The following AGRN variants were observed in gnomAD, a reference collection of about 807,000 sequenced individuals.
The protein encoded by AGRN is agrin proteoglycan.
Under a neutral mutation model 211.0 loss-of-function variants are expected in AGRN, and 106 were observed. The ratio of observed to expected loss-of-function variants is 0.50; its 90% CI spans 0.43 to 0.59. The LOEUF (loss-of-function observed/expected upper bound fraction) is 0.59, where lower values mean the gene tolerates loss of function less well. Among genes scored for constraint, AGRN ranks in the 20% least tolerant of loss-of-function variants. The pLI, the probability that AGRN is intolerant of heterozygous loss-of-function variation, is 0.00. For synonymous variants in AGRN, 1,525 were observed against 1,332.5 expected (o/e 1.14, Z -3.15); for missense variants, 3,040 against 2,982.6 (o/e 1.02, Z -0.45).
At chr1:1,044,662 T>G (rs921599893) in intron 12 of AGRN, among the ~76,000 whole-genome samples, 3 of 152,188 alleles carry the variant, frequency 2.0e-5, no homozygotes, top group African/African-American at 7.2e-5. Context: ...CAGGCCTCAG[T>G]GCTGAGAGGC....
intron 2 of AGRN, chr1:1,034,087 C>A: frequency 2.0e-6 from 2 of 978,970 alleles, no homozygotes; most frequent in Non-Finnish European, 2.4e-6. Flanking sequence ...TCGCTCCCGA[C>A]GCGGCCGCCC....
intron 12 of AGRN, 95 bp from the exon 13 acceptor site, chr1:1,045,066 G>A (rs1645052423): frequency 2.9e-6 from 4 of 1,365,734 alleles, no homozygotes; most frequent in Non-Finnish European, 3.1e-6. Flanking sequence ...GGACGGCTGA[G>A]TGGTGACAGT....
Position 1,045,539 on chromosome 1 carries a change from C to T in AGRN, c.2536+16C>T. ...GGCTGTACACGTGAGTGACAGGGCC[C>T]AGGACTGGCCACCGGCTATGCCCTC... is the stretch of plus-strand genomic sequence containing the variant. On this transcript the variant is annotated intron_variant, in intron 14 of 35. Transcript: ENST00000379370. 6.2e-7 allele frequency: 1 copy of T among 1,611,842 alleles called. No homozygotes were observed. The highest frequency in any genetic ancestry group is 8.5e-7 in the Non-Finnish European group (1 of 1,179,450).
At chr1:1,020,419 C>T (rs1318220490) in intron 1 of AGRN, 46 bp downstream of exon 1, 2 of 1,472,154 alleles carry the variant, frequency 1.4e-6, no homozygotes. Flanking sequence ...GCCTGCCGCC[C>T]CGCCGGGACC....
At chr1:1,021,481 C>A (rs1466669283) in intron 1 of AGRN, among the ~76,000 whole-genome samples, 5 of 152,382 alleles carry the variant, frequency 3.3e-5, no homozygotes, top group East Asian at 1.9e-4. Context: ...TCTCTCCCCC[C>A]ATCCGGCAGC....
chr1:1,027,319 C>G (rs1644542705), intron 2 of AGRN, among the ~76,000 whole-genome samples: 1 of 152,224 alleles, frequency 6.6e-6, no homozygotes. Flanking sequence ...AGAATTCTGC[C>G]TGGAGCCTCC....
rs1645418957 is a variant in AGRN at position 1,055,087 on chromosome 1, G to C, written c.*106G>C. On this transcript the variant is annotated 3_prime_UTR_variant, in exon 36 of 36. Coordinates refer to ENST00000379370, the MANE Select transcript of AGRN (RefSeq NM_198576.4). ...TGAGTGTTGGCCGGAGGGACTGCTG[G>C]CCCGGCCTCCCTTCCGTCCAGGCAG... is the stretch of plus-strand genomic sequence containing the variant. The C allele has an allele frequency of 6.7e-7, 1 of 1,497,232 alleles. No individual in the cohort carries two copies. The highest frequency in any genetic ancestry group is 2.5e-5 in the East Asian group (1 of 40,614). The allele number at this position is 1,497,232 out of a possible 1,614,324, so 92.7% of individuals were successfully genotyped here. A position where few individuals can be genotyped will look rare whatever the true frequency, so the allele number is the denominator to read the frequency against.
intron 30 of AGRN, 79 bp from the exon 31 acceptor site, chr1:1,051,174 C>A: frequency 5.5e-6 from 3 of 541,488 alleles, no homozygotes; most frequent in South Asian, 1.5e-5. Context: ...GCGGGTGGGG[C>A]GGGTGCGTGC....
rs752429981 is a variant in AGRN, at chr1:1,043,785, T to A, written c.1799-38T>A. 3 of 1,606,934 alleles carry A rather than the reference T, an allele frequency of 1.9e-6. No individual in the cohort carries two copies. In the Admixed American group the frequency reaches 5.0e-5, roughly 27 times the overall value. ...CCAGGGTCCTGTGCCTCCCTCAGCC[T>A]GGGCCTGCCGACCCCTGCCTGGCTC... On this transcript the variant is annotated intron_variant, in intron 9 of 35. Coordinates refer to ENST00000379370, the MANE Select transcript of AGRN (RefSeq NM_198576.4).
Position 1,051,524 on chromosome 1 carries a change from A to G in AGRN, c.5442A>G (p.Ala1814=). The part of the protein sequence containing the change: ...VLRQVDVTSF[A]GHPCTRASGH... ...GGCAGGTGGACGTCACGTCCTTTGC[A>G]GGTCACCCCTGCACCCGGGCCTCAG... Residue 1814 remains alanine, a synonymous_variant, in exon 32 of 36, where the codon GCA becomes GCG. Transcript: ENST00000379370. 1 of 1,567,472 alleles carries G rather than the reference A, an allele frequency of 6.4e-7. No individual in the cohort carries two copies. Among genetic ancestry groups the G allele is most frequent in the Non-Finnish European group, 8.6e-7 (1 of 1,157,576 alleles).
chr1:1,024,071 C>T, intron 2 of AGRN, among the ~76,000 whole-genome samples: 2 of 152,038 alleles, frequency 1.3e-5, no homozygotes, highest in East Asian at 3.9e-4. Context: ...AGCCAGGGGC[C>T]AAGGGGAGCC....
In AGRN at chr1:1,046,967, C is replaced by T. The variant is rs192594415; in HGVS notation, c.3388+10C>T. The T allele has an allele frequency of 4.1e-5, 65 of 1,572,256 alleles. No homozygotes were observed. The highest frequency in any genetic ancestry group is 1.5e-4 in the Admixed American group (8 of 53,348). ...GGCTCCAACTGCCCCGGTGAGTGGA[C>T]GGCTGGGCGAGGGGAGTGTGAGGAT... On this transcript the variant is annotated intron_variant, in intron 19 of 35. Coordinates refer to ENST00000379370, the MANE Select transcript of AGRN (RefSeq NM_198576.4).
At chr1:1,047,141 A>G (rs764713304) in intron 19 of AGRN, 184 bp downstream of exon 19, 8 of 1,352,572 alleles carry the variant, frequency 5.9e-6, no homozygotes, top group African/African-American at 5.8e-5. Context: ...GGTGTGGCAC[A>G]CTGCTCTGAG....
At position 1,038,785 on chromosome 1, in the gene AGRN, G is replaced by A. The variant is rs548956729; in HGVS notation, c.512-1880G>A. ...GCTGGCTGGGCATCAGCAGGTGCCC[G>A]TTGGATTTGGACTGGGAGTCCCAGG... On this transcript the variant is annotated intron_variant, in intron 3 of 35. Transcript: ENST00000379370. Among the ~76,000 whole-genome samples, 13 of 152,340 alleles carry A rather than the reference G, an allele frequency of 8.5e-5. No individual in the cohort carries two copies. The South Asian group carries it at 2.1e-3, about 24-fold the overall frequency.
Position 1,042,802 on chromosome 1 carries a change from C to T in AGRN, c.1385-437C>T, listed in dbSNP as rs539523329. On this transcript the variant is annotated intron_variant, in intron 7 of 35. Coordinates refer to ENST00000379370, the MANE Select transcript of AGRN (RefSeq NM_198576.4). ...GCTTGCTGCTGCCTGGCCTTGTGGT[C>T]CTCAGAGCAAGTGGACAGACACCTC... 2.1e-3 allele frequency among the ~76,000 whole-genome samples: 326 copies of T among 152,160 alleles called. 7 individuals are homozygous for T. The highest frequency in any genetic ancestry group is 1.3e-4 in the Non-Finnish European group (9 of 67,982).
At chr1:1,025,614 C>T (rs1255504514) in intron 2 of AGRN, among the ~76,000 whole-genome samples, 1 of 152,162 alleles carries the variant, frequency 6.6e-6, no homozygotes, top group Non-Finnish European at 1.5e-5. Flanking sequence ...TCATCCTGCC[C>T]CCTGGTTCCC....
chr1:1,053,984 A>G lies in AGRN; in HGVS notation c.5876+7A>G, dbSNP rs760348744. Reference sequence around the variant, plus strand: ...TGCGGGTCGTGGCACATAGGTGAGTAGGGAACCCAGCGTGCCGAGAATAGT... The same window carrying G: ...TGCGGGTCGTGGCACATAGGTGAGTGGGGAACCCAGCGTGCCGAGAATAGT... On this transcript the variant is annotated splice_region_variant and intron_variant, in intron 34 of 35. Coordinates refer to ENST00000379370, the MANE Select transcript of AGRN (RefSeq NM_198576.4). 2 of 1,591,018 alleles carry G rather than the reference A, an allele frequency of 1.3e-6. No homozygotes were observed. The highest frequency in any genetic ancestry group is 1.8e-5 in the Admixed American group (1 of 56,676).
rs200311998 is a variant in AGRN at position 1,040,612 on chromosome 1, GACGTGGGT to G, written c.512-49_512-42del. ...CACGGCAAGGTCTCTCAGGCTTGTG[GACGTGGGT>G]ACGGGCGTCTCGGCACCCTGAGCTT... On this transcript the variant is annotated intron_variant, in intron 3 of 35. Coordinates refer to ENST00000379370, the MANE Select transcript of AGRN (RefSeq NM_198576.4). 4,800 of 1,539,074 alleles carry G rather than the reference GACGTGGGT, an allele frequency of 3.1e-3. 74 individuals are homozygous for G. The African/African-American group carries it at 0.05, about 16-fold the overall frequency.
Position 1,048,645 on chromosome 1 carries a change from C to T in AGRN, c.4106-222C>T. 1.6e-6 allele frequency: 1 copy of T among 622,036 alleles called. No individual in the cohort carries two copies. The highest frequency in any genetic ancestry group is 2.1e-5 in the South Asian group (1 of 47,202). 38.5% of individuals were successfully genotyped at this position (622,036 alleles called of 1,614,324 possible). A position where few individuals can be genotyped will look rare whatever the true frequency, so the allele number is the denominator to read the frequency against. ...ATTAGCCGGGCGTGGTGGTGGGCGC[C>T]TGTAATCCCACCTCGTGAGGCTGAG... On this transcript the variant is annotated intron_variant, in intron 23 of 35. Coordinates refer to ENST00000379370, the MANE Select transcript of AGRN (RefSeq NM_198576.4). This position sits in a 1 kb window ranked among gnomAD's most constrained non-coding sequence, Gnocchi z 5.9.
Sources: gnomAD v4.1 joint callset for allele counts (sites outside exome capture counted in the v4.1 genomes callset) on GRCh38, gnomAD v4.1.1 for gene constraint, Gnocchi (gnomAD v3.1) non-coding constraint, MANE v1.5 for transcripts, NCBI Gene and HGNC (gene_info 2026-07-23, HGNC 2026-07-21) for gene names.